Variants in PHACTR1 observed in about 807,000 individuals in gnomAD.
PHACTR1 encodes the protein phosphatase and actin regulator 1.
PHACTR1 carries 16 observed loss-of-function variants against 69.2 expected under a neutral mutation model. The observed-to-expected ratio is 0.23, with a 90% CI of 0.16 to 0.35. The LOEUF is 0.35. Ranked by LOEUF, PHACTR1 falls within the 10% of genes least tolerant of loss-of-function variation. The pLI, the probability that PHACTR1 is intolerant of heterozygous loss-of-function variation, is 1.00. For missense variants in PHACTR1, 510 were observed against 734.7 expected (o/e 0.69, Z 3.54); for synonymous variants, 312 against 284.5 (o/e 1.10, Z -0.97).
chr6:12,744,904 C>G (rs1311824065), intron 3 of PHACTR1, among the ~76,000 whole-genome samples: 9 of 152,040 alleles, frequency 5.9e-5, no homozygotes, highest in Non-Finnish European at 1.0e-4. Flanking sequence ...ACTTGCCTTA[C>G]TTCCCTGGCC....
chr6:12,904,095 A>G (rs1045751532), intron 4 of PHACTR1, among the ~76,000 whole-genome samples: 3 of 152,222 alleles, frequency 2.0e-5, no homozygotes, highest in Non-Finnish European at 4.4e-5. Flanking sequence ...TATCTCCAGC[A>G]TATCATGCAG....
At chr6:12,837,413 A>T (rs1778271203) in intron 4 of PHACTR1, among the ~76,000 whole-genome samples, 1 of 149,650 alleles carries the variant, frequency 6.7e-6, no homozygotes, top group African/African-American at 2.5e-5. Context: ...TAAATCTTCA[A>T]AATTATTTCA....
chr6:12,761,267 C>G (rs1197808539), intron 4 of PHACTR1, among the ~76,000 whole-genome samples: 1 of 152,198 alleles, frequency 6.6e-6, no homozygotes, highest in Non-Finnish European at 1.5e-5. Flanking sequence ...AACTAAGGCA[C>G]TAAAATAAAA....
At chr6:13,104,224 G>A (rs1049961254) in intron 5 of PHACTR1, among the ~76,000 whole-genome samples, 1 of 152,028 alleles carries the variant, frequency 6.6e-6, no homozygotes, top group African/African-American at 2.4e-5. Context: ...TTAGTCTCCT[G>A]TAGTCTGTAA....
chr6:12,831,511 A>G (rs1777577898), intron 4 of PHACTR1, among the ~76,000 whole-genome samples: 1 of 152,154 alleles, frequency 6.6e-6, no homozygotes, highest in Non-Finnish European at 1.5e-5. Context: ...GGATAGAAAG[A>G]CCTACAGCCT....
intron 3 of PHACTR1, among the ~76,000 whole-genome samples, chr6:12,732,113 C>T (rs554537270): frequency 8.1e-4 from 123 of 151,800 alleles, no homozygotes; most frequent in South Asian, 7.7e-3. Context: ...CGAGTCTCCA[C>T]GGGAGTGTCT....
intron 14 of PHACTR1, among the ~76,000 whole-genome samples, chr6:13,286,429 CAA>C (rs1352872561): frequency 6.6e-6 from 1 of 152,178 alleles, no homozygotes; most frequent in Non-Finnish European, 1.5e-5. Context: ...CAACTTTCTG[CAA>C]AGTCTGAGTT....
At chr6:12,745,733 A>G (rs922109605) in intron 3 of PHACTR1, among the ~76,000 whole-genome samples, 4 of 152,252 alleles carry the variant, frequency 2.6e-5, no homozygotes, top group African/African-American at 9.6e-5. Flanking sequence ...ATATTTATGG[A>G]AAGCAGAGAT....
At chr6:13,169,419 A>T (rs1184145975) in intron 6 of PHACTR1, among the ~76,000 whole-genome samples, 2 of 152,182 alleles carry the variant, frequency 1.3e-5, no homozygotes, top group Non-Finnish European at 2.9e-5. Context: ...GTAGTCATGT[A>T]AATTGATGGT....
At chr6:13,077,187 A>AAAAAAG (rs1554122442) in intron 5 of PHACTR1, among the ~76,000 whole-genome samples, 5 of 147,828 alleles carry the variant, frequency 3.4e-5, no homozygotes, top group African/African-American at 1.3e-4. Context: ...AAAAAAAAAA[A>AAAAAAG]AAAGTGATTG....
chr6:12,750,997 C>T (rs113880360), intron 4 of PHACTR1, among the ~76,000 whole-genome samples: 7 of 151,562 alleles, frequency 4.6e-5, no homozygotes, highest in Non-Finnish European at 5.9e-5. Flanking sequence ...TGTGTGTGCG[C>T]GTGCGTGCGC....
At chr6:13,164,105 C>A (rs1759436435) in intron 6 of PHACTR1, among the ~76,000 whole-genome samples, 1 of 152,004 alleles carries the variant, frequency 6.6e-6, no homozygotes. Flanking sequence ...GTGTCAGTGT[C>A]CACCGAGAAC....
At chr6:13,103,857 GC>G (rs1815598113) in intron 5 of PHACTR1, among the ~76,000 whole-genome samples, 1 of 152,224 alleles carries the variant, frequency 6.6e-6, no homozygotes, top group African/African-American at 2.4e-5. Flanking sequence ...GCCAGGGTGG[GC>G]AGATCACTTG....
rs61402655 is a variant in PHACTR1 at position 12,785,615 on chromosome 6, G to T, written c.250+35825G>T. ...TTTTGCAATGTGTTGGGTCAAGGCT[G>T]TCTGGCATTCCAAAACTAGTTAGAG... is the stretch of plus-strand genomic sequence containing the variant. On this transcript the variant is annotated intron_variant, in intron 4 of 14. Coordinates refer to ENST00000332995, the MANE Select transcript of PHACTR1 (RefSeq NM_030948.6). Among the ~76,000 whole-genome samples the T allele has an allele frequency of 7.4e-4, 112 of 152,286 alleles. 2 individuals carry two copies. The East Asian group carries it at 0.021, about 29-fold the overall frequency.
At chr6:13,009,032 G>C (rs1799150916) in intron 4 of PHACTR1, among the ~76,000 whole-genome samples, 1 of 152,164 alleles carries the variant, frequency 6.6e-6, no homozygotes, top group Non-Finnish European at 1.5e-5. Flanking sequence ...AGCTTCTGGT[G>C]ACTGTTGGCA....
chr6:12,827,089 G>A (rs1281975537), intron 4 of PHACTR1, among the ~76,000 whole-genome samples: 2 of 152,080 alleles, frequency 1.3e-5, no homozygotes, highest in African/African-American at 4.8e-5. Flanking sequence ...TAGTCATTAC[G>A]CTATTGATTA....
At chr6:12,800,067 A>C (rs1410639878) in intron 4 of PHACTR1, among the ~76,000 whole-genome samples, 1 of 152,214 alleles carries the variant, frequency 6.6e-6, no homozygotes, top group Non-Finnish European at 1.5e-5. Flanking sequence ...AATGACAGGC[A>C]CAGCAAACCC....
In PHACTR1 at chr6:12,957,821, G is replaced by C. The variant is rs1792092132; in HGVS notation, c.251-95544G>C. On this transcript the variant is annotated intron_variant, in intron 4 of 14. Transcript: ENST00000332995. The stretch of plus-strand genomic sequence containing the variant: ...CTCCATTCCATCCCACGTGGGAGCT[G>C]GTCAGCGGCCAGGGAATTGGCACGG... The C allele has an allele frequency of 6.1e-6, 6 of 985,488 alleles. No individual in the cohort carries two copies. The South Asian group carries it at 2.3e-4, about 39-fold the overall frequency. The allele number at this position is 985,488 out of a possible 1,614,324, so 61.0% of individuals were successfully genotyped here.
At chr6:13,063,949 C>T (rs1808096131) in intron 5 of PHACTR1, among the ~76,000 whole-genome samples, 1 of 152,126 alleles carries the variant, frequency 6.6e-6, no homozygotes, top group East Asian at 1.9e-4. Context: ...AGAGGACTTG[C>T]ATTTTAGAAA....
Sources: gnomAD v4.1 joint callset for allele counts (sites outside exome capture counted in the v4.1 genomes callset) on GRCh38, gnomAD v4.1.1 for gene constraint, MANE v1.5 for transcripts, NCBI Gene and HGNC (gene_info 2026-07-23, HGNC 2026-07-21) for gene names.